MCF2: variants seen among roughly 807,000 people sequenced by gnomAD.
MCF2 encodes proto-oncogene DBL.
A neutral mutation model predicts 82.5 loss-of-function variants in MCF2; 44 were observed. The ratio of observed to expected loss-of-function variants is 0.53; its 90% CI spans 0.42 to 0.69. The LOEUF is 0.69. Among genes scored for constraint, MCF2 ranks in the 30% least tolerant of loss-of-function variants. The pLI, the probability that MCF2 is intolerant of heterozygous loss-of-function variation, is 0.00. For synonymous variants in MCF2, 217 were observed against 224.9 expected, an observed-to-expected ratio of 0.96 and a Z score of 0.32; for missense variants, 623 against 663.1, an observed-to-expected ratio of 0.94 and a Z score of 0.66.
chrX:139,692,166 G>T, intron 1 of MCF2: 6 of 1,037,298 alleles, frequency 5.8e-6, no homozygotes, highest in Non-Finnish European at 5.2e-6. Flanking sequence ...GTAGGGCCGG[G>T]CCCCTGCCGC....
chrX:139,681,636 A>G (rs1240744858), intron 1 of MCF2, among the ~76,000 whole-genome samples: 2 of 112,302 alleles, frequency 1.8e-5, no homozygotes, highest in Non-Finnish European at 3.8e-5. Context: ...AGATCAACAT[A>G]TGGTGTATGA....
At chrX:139,687,054 A>T (rs1202990254) in intron 1 of MCF2, among the ~76,000 whole-genome samples, 1 of 19,069 alleles carries the variant, frequency 5.2e-5, no homozygotes, top group African/African-American at 6.8e-5. Flanking sequence ...CACACAACAC[A>T]CACACACATA....
intron 13 of MCF2, 90 bp downstream of exon 17, chrX:139,605,623 A>T: frequency 4.0e-6 from 3 of 743,718 alleles, no homozygotes; most frequent in East Asian, 3.5e-5. Flanking sequence ...AAGGAGACGG[A>T]AGTAGAAGAT....
intron 1 of MCF2, chrX:139,692,209 C>A (rs775934942): frequency 1.3e-6 from 1 of 785,207 alleles, no homozygotes; most frequent in African/African-American, 2.0e-5. Context: ...CGGGCAGGGC[C>A]GCTACTCCAG....
At chrX:139,642,696 A>G in exon 1 of MCF2, 1 of 1,090,349 alleles carries the variant, frequency 9.2e-7, no homozygotes, top group Non-Finnish European at 1.2e-6. Flanking sequence ...AAAAAAAAAA[A>G]ACCACTATCC....
intron 1 of MCF2, among the ~76,000 whole-genome samples, chrX:139,689,522 G>C (rs964104745): frequency 9.1e-6 from 1 of 109,833 alleles, no homozygotes; most frequent in Non-Finnish European, 1.9e-5. Flanking sequence ...CATGCCTTAC[G>C]AGGCCCCTCC....
At position 139,626,754 on chromosome X, in the gene MCF2, A is replaced by ATT; in HGVS notation, c.439_440dup (p.Asn147LysfsTer7). 8.3e-7 allele frequency: 1 copy of ATT among 1,207,509 alleles called. No homozygotes were observed. The highest frequency in any genetic ancestry group is 1.1e-6 in the Non-Finnish European group (1 of 892,395). ...CTTCTTTGGTTACAGCTGTAATATC[A>ATT]TTCTGTCCAAAGACACAAAAGGAGT... On this transcript the variant is annotated frameshift_variant and splice_region_variant, in exon 5 of 25. Transcript: ENST00000370576. LOFTEE classifies it high-confidence loss of function.
chrX:139,666,891 G>T (rs1934536781), intron 1 of MCF2, among the ~76,000 whole-genome samples: 2 of 111,366 alleles, frequency 1.8e-5, no homozygotes, highest in South Asian at 3.8e-4. Context: ...CCAAAAAATT[G>T]CTTGCTCTTT....
At chrX:139,620,296 G>A (rs957366991) in intron 6 of MCF2, among the ~76,000 whole-genome samples, 5 of 110,876 alleles carry the variant, frequency 4.5e-5, no homozygotes, top group East Asian at 2.8e-4. Context: ...CAGAAAGTAA[G>A]AAAGTGATTT....
At position 139,627,729 on chromosome X, in the gene MCF2, C is replaced by T. The variant is rs113469544; in HGVS notation, c.439-973G>A. 8.0e-3 allele frequency among the ~76,000 whole-genome samples: 899 copies of T among 111,829 alleles called. 13 individuals are homozygous for T. The highest frequency in any genetic ancestry group is 0.026 in the African/African-American group (814 of 30,775). On this transcript the variant is annotated intron_variant, in intron 4 of 24. Coordinates refer to ENST00000370576, the Ensembl canonical transcript of MCF2. ...TCTTTGCCTCATTTCATCTTCACAG[C>T]AATCCTACCAGGTATGATGCATCAT...
chrX:139,592,212 A>G (rs1929579771), intron 19 of MCF2, among the ~76,000 whole-genome samples: 1 of 111,842 alleles, frequency 8.9e-6, no homozygotes, highest in African/African-American at 3.2e-5. Context: ...GAAGAATCAG[A>G]AAGATTTTCT....
chrX:139,695,189 C>G (rs747935987), intron 1 of MCF2, among the ~76,000 whole-genome samples: 1 of 109,745 alleles, frequency 9.1e-6, no homozygotes, highest in African/African-American at 3.3e-5. Context: ...TGCCACCACA[C>G]TGGCTAATTT....
chrX:139,695,961 T>C (rs895721093), intron 1 of MCF2, among the ~76,000 whole-genome samples: 1 of 112,135 alleles, frequency 8.9e-6, no homozygotes, highest in African/African-American at 3.2e-5. Context: ...CTCAGGGTTT[T>C]TCAGGTCTGA....
chrX:139,626,382 G>T, intron 5 of MCF2, 75 bp from the exon 9 acceptor site: 1 of 661,197 alleles, frequency 1.5e-6, no homozygotes, highest in Non-Finnish European at 2.4e-6. Context: ...GTGTGGTCTG[G>T]ACATTAAGAA....
chrX:139,610,577 T>C (rs1157784704), intron 10 of MCF2, among the ~76,000 whole-genome samples: 1 of 112,038 alleles, frequency 8.9e-6, no homozygotes, highest in East Asian at 2.8e-4. Context: ...AACATTCACT[T>C]ACTTGCCAAG....
intron 8 of MCF2, 123 bp downstream of exon 11, chrX:139,617,390 A>T: frequency 2.2e-6 from 1 of 453,951 alleles, no homozygotes; most frequent in Non-Finnish European, 3.6e-6. Flanking sequence ...GTCCCTGACC[A>T]TATAACCTCT....
At chrX:139,595,807 A>G (rs1442449923) in intron 19 of MCF2, among the ~76,000 whole-genome samples, 1 of 111,409 alleles carries the variant, frequency 9.0e-6, no homozygotes, top group African/African-American at 3.3e-5. Context: ...AAAAAATTCA[A>G]ATTTGTCAAT....
At chrX:139,626,803 T>G in intron 4 of MCF2, 47 bp from the exon 8 acceptor site, 1 of 1,075,603 alleles carries the variant, frequency 9.3e-7, no homozygotes, top group Non-Finnish European at 1.3e-6. Flanking sequence ...TAATCCAACC[T>G]GAATGATGTG....
At chrX:139,671,695 T>C (rs1207201034) in intron 1 of MCF2, among the ~76,000 whole-genome samples, 3 of 111,733 alleles carry the variant, frequency 2.7e-5, no homozygotes, top group Non-Finnish European at 5.6e-5. Flanking sequence ...GTACCAGTAC[T>C]ATGCTGTTTT....
Sources: allele counts gnomAD v4.1 joint callset (sites outside exome capture counted in the v4.1 genomes callset), GRCh38; gene constraint gnomAD v4.1.1; transcripts MANE v1.5; gene names NCBI Gene and HGNC (gene_info 2026-07-23, HGNC 2026-07-21).